The following HERC1 variants were observed in gnomAD, a reference collection of about 807,000 sequenced individuals.
The protein encoded by HERC1 is probable E3 ubiquitin-protein ligase HERC1.
In HERC1, 160 loss-of-function variants were observed where a neutral mutation model predicts 554.3. The ratio of observed to expected loss-of-function variants is 0.29; its 90% CI spans 0.25 to 0.33. The LOEUF (loss-of-function observed/expected upper bound fraction) is 0.33. HERC1 is among the 10% of genes least tolerant of loss of function. HERC1 has a pLI of 1.00. For synonymous variants in HERC1, 2,175 were observed against 2,131.7 expected (o/e 1.02, Z -0.56); for missense variants, 4,919 against 5,918.5 (o/e 0.83, Z 5.54).
intron 54 of HERC1, among the ~76,000 whole-genome samples, chr15:63,649,181 T>A (rs951125687): frequency 6.6e-6 from 1 of 152,102 alleles, no homozygotes; most frequent in East Asian, 1.9e-4. Context: ...GGTGAAACCC[T>A]GTCTCTACTA....
At chr15:63,631,065 A>G (rs1252574237) in intron 68 of HERC1, among the ~76,000 whole-genome samples, 2 of 152,090 alleles carry the variant, frequency 1.3e-5, no homozygotes, top group African/African-American at 4.8e-5. Context: ...TGCAGCCTCA[A>G]CCTGTCGGGT....
rs2072564091 is a variant in HERC1 at position 63,698,716 on chromosome 15, T to C, written c.4905+12A>G. 2 of 1,609,532 alleles carry C rather than the reference T, an allele frequency of 1.2e-6. No individual in the cohort carries two copies. The highest frequency in any genetic ancestry group is 2.2e-5 in the East Asian group (1 of 44,820). ...CCAGAGCTCTCATAAGGAGTAAATA[T>C]CAAAGACTTACTTCTGCCCTTAACT... On this transcript the variant is annotated intron_variant, in intron 26 of 77. Coordinates refer to ENST00000443617, the MANE Select transcript of HERC1 (RefSeq NM_003922.4).
In HERC1 at chr15:63,645,676, G is replaced by C; in HGVS notation, c.10885C>G (p.Leu3629Val). The C allele has an allele frequency of 3.2e-6, 5 of 1,554,954 alleles. No homozygotes were observed. The highest frequency in any genetic ancestry group is 4.3e-6 in the Non-Finnish European group (5 of 1,152,432). The change falls in exon 56 of 78, where the codon CTT becomes GTT. Residue 3629 changes from leucine to valine, a missense_variant. Leu to Val is a conservative substitution (Grantham distance 32). Coordinates refer to ENST00000443617, the MANE Select transcript of HERC1 (RefSeq NM_003922.4). Reference sequence around the variant, plus strand: ...GTAGGGTCCCACTTCATGCTAATAAGAGTATCCTTAAAATGGAAGGAAGAG... The same window carrying C: ...GTAGGGTCCCACTTCATGCTAATAACAGTATCCTTAAAATGGAAGGAAGAG... ...IVLIDAHKDT[L>V]ISMKWDPTGH...
At position 63,680,462 on chromosome 15, in the gene HERC1, C is replaced by T. The variant is rs1595958223; in HGVS notation, c.6465+75G>A. On this transcript the variant is annotated intron_variant, in intron 35 of 77. Transcript: ENST00000443617. The surrounding 1 kb of genome is among the most constrained non-coding windows in gnomAD (Gnocchi z 5.8). Reference sequence around the variant, plus strand: ...GAGCAGATAATCTATAAACTGAATACGTGGCACTTGAATAACCGAGTTGAC... The same window carrying T: ...GAGCAGATAATCTATAAACTGAATATGTGGCACTTGAATAACCGAGTTGAC... 5.5e-6 allele frequency: 8 copies of T among 1,464,806 alleles called. No individual in the cohort carries two copies. The highest frequency in any genetic ancestry group is 1.4e-5 in the African/African-American group (1 of 71,410). The allele number at this position is 1,464,806 out of a possible 1,614,324, so 90.7% of individuals were successfully genotyped here.
rs1205539923 is a variant in HERC1, at chr15:63,674,805, A to G, written c.7383T>C (p.Asn2461=). 6 of 1,613,652 alleles carry G rather than the reference A, an allele frequency of 3.7e-6. No individual in the cohort carries two copies. The highest frequency in any genetic ancestry group is 4.2e-6 in the Non-Finnish European group (5 of 1,179,834). ...SQSTTSSKSE[N]EIASFSLDPT... is the part of the protein sequence containing the mutation. ...GATCTAAAGAAAATGAAGCGATTTC[A>G]TTTTCTGATTTGGAGCTTGTGGTAC... Residue 2461 remains asparagine, a synonymous_variant, in exon 38 of 78, where the codon AAT becomes AAC. Transcript: ENST00000443617.
At chr15:63,690,826 T>C (rs1403327965) in intron 31 of HERC1, among the ~76,000 whole-genome samples, 179 bp from the exon 32 acceptor site, 1 of 152,206 alleles carries the variant, frequency 6.6e-6, no homozygotes, top group Non-Finnish European at 1.5e-5. Flanking sequence ...TATGAATACA[T>C]TCATGCTTAT....
At chr15:63,810,520 A>T (rs2077269898) in intron 1 of HERC1, among the ~76,000 whole-genome samples, 1 of 152,222 alleles carries the variant, frequency 6.6e-6, no homozygotes, top group African/African-American at 2.4e-5. Flanking sequence ...ACTCTGGGAA[A>T]AACTAGGAAA....
chr15:63,627,340 T>C (rs1325949313), intron 70 of HERC1, among the ~76,000 whole-genome samples: 3 of 151,968 alleles, frequency 2.0e-5, no homozygotes, highest in Non-Finnish European at 4.4e-5. Context: ...TCTAGTGCCT[T>C]AGACACCAGA....
intron 14 of HERC1, among the ~76,000 whole-genome samples, chr15:63,731,741 T>A (rs913779453): frequency 5.9e-5 from 9 of 152,092 alleles, no homozygotes; most frequent in Non-Finnish European, 8.8e-5. Context: ...CAATATTAAT[T>A]GATACACAAA....
intron 16 of HERC1, among the ~76,000 whole-genome samples, chr15:63,728,462 T>C (rs2074126172): frequency 6.6e-6 from 1 of 152,158 alleles, no homozygotes. Context: ...AACAGCCAAA[T>C]GGAGGTATCT....
At chr15:63,725,224 G>T in intron 18 of HERC1, 68 bp downstream of exon 18, 1 of 1,358,542 alleles carries the variant, frequency 7.4e-7, no homozygotes, top group Non-Finnish European at 1.0e-6. Flanking sequence ...TAGCAAATCA[G>T]AATAGAGAAA....
At position 63,718,582 on chromosome 15, in the gene HERC1, C is replaced by A; in HGVS notation, c.3970G>T (p.Asp1324Tyr). 6.3e-7 allele frequency: 1 copy of A among 1,577,284 alleles called. No homozygotes were observed. The highest frequency in any genetic ancestry group is 8.6e-7 in the Non-Finnish European group (1 of 1,158,850). Residue 1324 changes from aspartate (D) to tyrosine (Y), a missense_variant, in exon 21 of 78, where the codon GAC (aspartate) becomes TAC (tyrosine). Asp to Tyr is a radical substitution (Grantham distance 160). Coordinates refer to ENST00000443617, the MANE Select transcript of HERC1 (RefSeq NM_003922.4). This position sits in a 1 kb window ranked among gnomAD's most constrained non-coding sequence, Gnocchi z 4.2. The part of the protein sequence containing the change: ...ELIQTRSSSR[D>Y]RWISENQDSA... Reference sequence around the variant, plus strand: ...TTGATTTCAAACTTTACCCATCTGTCCCGTGATGATGACCTTGTTTGAATA... The same window carrying A: ...TTGATTTCAAACTTTACCCATCTGTACCGTGATGATGACCTTGTTTGAATA...
chr15:63,694,109 A>C lies in HERC1; in HGVS notation c.5529T>G (p.Asp1843Glu). 6.2e-7 allele frequency: 1 copy of C among 1,610,524 alleles called. No homozygotes were observed. The highest frequency in any genetic ancestry group is 8.5e-7 in the Non-Finnish European group (1 of 1,178,248). Residue 1843 changes from aspartate (D) to glutamate (E), a missense_variant, in exon 30 of 78, where the codon GAT becomes GAG. By Grantham distance (45) the Asp-to-Glu change is conservative. This residue lies in a region of HERC1 where 1,121 missense variants were observed against 1,244.0 expected (regional missense o/e 0.90). Coordinates refer to ENST00000443617, the MANE Select transcript of HERC1 (RefSeq NM_003922.4). The surrounding 1 kb of genome is among the most constrained non-coding windows in gnomAD (Gnocchi z 4.3). ...AATTCTTCAACTGACTACAGAGTAGATCCAACAAGGATTGAACTACTTTGG... is the reference window on the plus strand; with the variant it reads ...AATTCTTCAACTGACTACAGAGTAGCTCCAACAAGGATTGAACTACTTTGG... ...LSPKVVQSLL[D>E]LLCSQLKNLL...
At chr15:63,609,558 C>T (rs1483737813) in intron 77 of HERC1, among the ~76,000 whole-genome samples, 4 of 152,214 alleles carry the variant, frequency 2.6e-5, no homozygotes, top group African/African-American at 9.7e-5. Context: ...ACACTACGCA[C>T]AGCGCCTGGC....
In HERC1 at chr15:63,753,130, C is replaced by G. The variant is rs1031229908; in HGVS notation, c.1775-45G>C. The G allele has an allele frequency of 3.4e-6, 5 of 1,465,368 alleles. No homozygotes were observed. The African/African-American group carries it at 7.0e-5, about 21-fold the overall frequency. The allele number at this position is 1,465,368 out of a possible 1,614,324, so 90.8% of individuals were successfully genotyped here. The stretch of plus-strand genomic sequence containing the variant: ...AAACAATTTACTTGTTTTAAAGAAC[C>G]TCTACTCTTTTTAACACTACTAAAG... On this transcript the variant is annotated intron_variant, in intron 7 of 77. Coordinates refer to ENST00000443617, the MANE Select transcript of HERC1 (RefSeq NM_003922.4).
Position 63,713,406 on chromosome 15 carries a change from T to A in HERC1, c.4410A>T (p.Gly1470=), listed in dbSNP as rs1449892435. ...IDELQKRREE[G]QLQQPSTSAS... is the part of the protein sequence containing the mutation. ...CACTTGTTGAAGGTTGCTGCAACTG[T>A]CCTTCTTCTCTTCGCTTCTGAAGCT... The change falls in exon 23 of 78, where the codon GGA becomes GGT. Residue 1470 remains glycine (G), a synonymous_variant. Transcript: ENST00000443617. The A allele has an allele frequency of 6.2e-7, 1 of 1,614,028 alleles. No homozygotes were observed.
intron 74 of HERC1, among the ~76,000 whole-genome samples, chr15:63,619,410 G>A (rs1156596802): frequency 6.6e-6 from 1 of 152,146 alleles, no homozygotes; most frequent in Non-Finnish European, 1.5e-5. Context: ...GTATTTTATT[G>A]AGGATTTTTG....
intron 38 of HERC1, among the ~76,000 whole-genome samples, chr15:63,673,896 T>G (rs2071063058): frequency 6.6e-6 from 1 of 152,216 alleles, no homozygotes; most frequent in African/African-American, 2.4e-5. Context: ...GGTTAATTTT[T>G]GTATTTTTAG....
intron 19 of HERC1, among the ~76,000 whole-genome samples, chr15:63,719,558 T>A (rs1387805022): frequency 6.6e-6 from 1 of 152,254 alleles, no homozygotes; most frequent in Admixed American, 6.5e-5. Flanking sequence ...AGATGTATTT[T>A]TGAAAGCTCA....
Sources: gnomAD v4.1 joint callset for allele counts (sites outside exome capture counted in the v4.1 genomes callset) on GRCh38, gnomAD v4.1.1 for gene constraint, gnomAD v4.1.1 regional missense constraint, Gnocchi (gnomAD v3.1) non-coding constraint, MANE v1.5 for transcripts, NCBI Gene and HGNC (gene_info 2026-07-23, HGNC 2026-07-21) for gene names.